Variants in METTL9 observed in about 807,000 individuals in gnomAD.
METTL9 encodes the protein methyltransferase 9, His-X-His N1(pi)-histidine.
Under a neutral mutation model 36.0 loss-of-function variants are expected in METTL9, and 10 were observed. The observed-to-expected ratio is 0.28, with a 90% confidence interval of 0.17 to 0.47. METTL9 has a LOEUF of 0.47. Among genes scored for constraint, METTL9 ranks in the 20% least tolerant of loss-of-function variants. METTL9 has a pLI of 0.99. For missense variants in METTL9, 246 were observed against 383.5 expected, an observed-to-expected ratio of 0.64 and a Z score of 3.00; for synonymous variants, 175 against 149.7, an observed-to-expected ratio of 1.17 and a Z score of -1.23.
intron 1 of METTL9, among the ~76,000 whole-genome samples, chr16:21,608,707 A>G (rs1304737991): frequency 6.6e-6 from 1 of 152,152 alleles, no homozygotes; most frequent in Non-Finnish European, 1.5e-5. Flanking sequence ...TGAACATCCT[A>G]CAATGTGCAG....
At chr16:21,597,328 T>C, upstream of METTL9, 1 of 1,276,388 alleles carries the variant, frequency 7.8e-7, no homozygotes, top group South Asian at 1.2e-5. Flanking sequence ...CTCTGCTACC[T>C]TCAGGCAAAT....
In METTL9 at chr16:21,655,221, T is replaced by C; in HGVS notation, c.752-6T>C. Reference sequence around the variant, plus strand: ...GAATTTAACTGAATGTTCTTATTTGTATTAGTAGGTGGCAAGTGGGAGAAA... The same window carrying C: ...GAATTTAACTGAATGTTCTTATTTGCATTAGTAGGTGGCAAGTGGGAGAAA... On this transcript the variant is annotated splice_region_variant and splice_polypyrimidine_tract_variant and intron_variant, in intron 4 of 4. Coordinates refer to ENST00000358154, the MANE Select transcript of METTL9 (RefSeq NM_016025.5). 1 of 1,610,698 alleles carries C rather than the reference T, an allele frequency of 6.2e-7. No homozygotes were observed. Among genetic ancestry groups the C allele is most frequent in the Non-Finnish European group, 8.5e-7 (1 of 1,177,120 alleles).
chr16:21,622,356 C>T (rs1250612521), intron 3 of METTL9, among the ~76,000 whole-genome samples: 1 of 151,226 alleles, frequency 6.6e-6, no homozygotes, highest in Admixed American at 6.6e-5. Context: ...TTGTGTTGCC[C>T]CAGCTGGTCT....
chr16:21,632,312 A>G lies in METTL9; in HGVS notation c.751+7197A>G, dbSNP rs528903022. ...CCTTTTCCAGTTCTAAGGCTCAGGTAAGTGCCACTAGTTATGCTAACTGGG... is the reference window on the plus strand; with the variant it reads ...CCTTTTCCAGTTCTAAGGCTCAGGTGAGTGCCACTAGTTATGCTAACTGGG... On this transcript the variant is annotated intron_variant, in intron 4 of 4. Coordinates refer to ENST00000358154, the MANE Select transcript of METTL9 (RefSeq NM_016025.5). Among the ~76,000 whole-genome samples the G allele has an allele frequency of 2.0e-5, 3 of 152,328 alleles. No homozygotes were observed. The South Asian group carries it at 6.2e-4, about 32-fold the overall frequency.
Position 21,652,611 on chromosome 16 carries a change from C to T in METTL9, c.752-2616C>T, listed in dbSNP as rs554246887. 79 of 1,604,018 alleles carry T rather than the reference C, an allele frequency of 4.9e-5. No homozygotes were observed. The South Asian group carries it at 6.4e-4, about 13-fold the overall frequency. On this transcript the variant is annotated intron_variant, in intron 4 of 4. Transcript: ENST00000358154. Reference sequence around the variant, plus strand: ...TCGCAGTCCCCATTTCTGTGTATGCCGGGGCGGGTTGGGGTGTGTATTTGA... The same window carrying T: ...TCGCAGTCCCCATTTCTGTGTATGCTGGGGCGGGTTGGGGTGTGTATTTGA...
chr16:21,620,394 A>G (rs1416641915), intron 3 of METTL9, among the ~76,000 whole-genome samples: 1 of 152,200 alleles, frequency 6.6e-6, no homozygotes, highest in African/African-American at 2.4e-5. Flanking sequence ...TTGTTATAAC[A>G]GTGGCTTAAG....
chr16:21,655,272 G>A lies in METTL9; in HGVS notation c.797G>A (p.Gly266Glu). Residue 266 changes from glycine (G) to glutamate (E), a missense_variant, in exon 5 of 5, where the codon GGA (glycine) becomes GAA (glutamate). Physicochemically the swap from Gly to Glu is moderately conservative, Grantham distance 98. This residue lies in a region of METTL9 where 146 missense variants were observed against 302.1 expected (regional missense o/e 0.48). Coordinates refer to ENST00000358154, the MANE Select transcript of METTL9 (RefSeq NM_016025.5). Reference sequence around the variant, plus strand: ...CCATCAGAAATTTTGGAAATCAAAGGACAGAACTGGGAAGAACAAGTGAAT... The same window carrying A: ...CCATCAGAAATTTTGGAAATCAAAGAACAGAACTGGGAAGAACAAGTGAAT... ...EKPSEILEIK[G>E]QNWEEQVNSL... 6.2e-7 allele frequency: 1 copy of A among 1,614,202 alleles called. No homozygotes were observed. The highest frequency in any genetic ancestry group is 8.5e-7 in the Non-Finnish European group (1 of 1,180,034).
At chr16:21,620,873 T>C (rs1965675766) in intron 3 of METTL9, among the ~76,000 whole-genome samples, 1 of 152,122 alleles carries the variant, frequency 6.6e-6, no homozygotes, top group South Asian at 2.1e-4. Flanking sequence ...AAGGCAGACT[T>C]TCAGCTGAAT....
chr16:21,641,404 C>T, intron 4 of METTL9: 2 of 476,162 alleles, frequency 4.2e-6, no homozygotes, highest in Middle Eastern at 4.2e-4. Context: ...TTCTGACATC[C>T]TTCTTTGTAG....
intron 4 of METTL9, among the ~76,000 whole-genome samples, chr16:21,647,825 C>T (rs1220622339): frequency 6.6e-6 from 1 of 152,132 alleles, no homozygotes; most frequent in South Asian, 2.1e-4. Flanking sequence ...TTGCTCCTTA[C>T]AAGCTTTCCT....
At chr16:21,598,240 T>C (rs912940314), upstream of METTL9, among the ~76,000 whole-genome samples, 1 of 151,348 alleles carries the variant, frequency 6.6e-6, no homozygotes, top group East Asian at 1.9e-4. Flanking sequence ...TCCCAGCTGC[T>C]CGGGAGGCTG....
intron 4 of METTL9, among the ~76,000 whole-genome samples, chr16:21,639,244 A>T (rs191594882): frequency 6.6e-6 from 1 of 152,288 alleles, no homozygotes; most frequent in Admixed American, 6.5e-5. Context: ...TTTCAGCTTC[A>T]AAATCAATCT....
At chr16:21,603,620 G>A (rs1371961738) in intron 1 of METTL9, among the ~76,000 whole-genome samples, 1 of 151,992 alleles carries the variant, frequency 6.6e-6, no homozygotes, top group Admixed American at 6.6e-5. Flanking sequence ...TGCACCTAGT[G>A]CTTAAAGTTA....
intron 2 of METTL9, among the ~76,000 whole-genome samples, chr16:21,617,148 G>A (rs1274146751): frequency 1.3e-5 from 2 of 152,054 alleles, no homozygotes; most frequent in Non-Finnish European, 2.9e-5. Flanking sequence ...TGCTGGGCAC[G>A]GTGGCTCATG....
chr16:21,636,555 T>G (rs1161551108), intron 4 of METTL9, among the ~76,000 whole-genome samples: 1 of 152,182 alleles, frequency 6.6e-6, no homozygotes, highest in Admixed American at 6.5e-5. Flanking sequence ...CTAGTCTCGC[T>G]TGGGCGACAT....
At chr16:21,632,832 C>G (rs956461414) in intron 4 of METTL9, among the ~76,000 whole-genome samples, 1 of 152,180 alleles carries the variant, frequency 6.6e-6, no homozygotes, top group African/African-American at 2.4e-5. Context: ...AGGTATGCCA[C>G]TGGTTGTGGG....
At chr16:21,648,963 C>G (rs1051361159) in intron 4 of METTL9, among the ~76,000 whole-genome samples, 17 of 151,972 alleles carry the variant, frequency 1.1e-4, no homozygotes, top group African/African-American at 3.6e-4. Context: ...TGATGCGAGT[C>G]TCTTCTCACC....
At chr16:21,598,875 C>T (rs1234753012), upstream of METTL9, among the ~76,000 whole-genome samples, 1 of 152,154 alleles carries the variant, frequency 6.6e-6, no homozygotes, top group African/African-American at 2.4e-5. Context: ...GTGGGTACCC[C>T]AGCTGCGGTA....
At chr16:21,613,809 G>T (rs1038393553) in intron 2 of METTL9, among the ~76,000 whole-genome samples, 5 of 147,540 alleles carry the variant, frequency 3.4e-5, no homozygotes, top group African/African-American at 1.3e-4. Context: ...TAAATCCATA[G>T]AAAAAGCTTT....
Sources: gnomAD v4.1 joint callset for allele counts (sites outside exome capture counted in the v4.1 genomes callset) on GRCh38, gnomAD v4.1.1 for gene constraint, gnomAD v4.1.1 regional missense constraint, MANE v1.5 for transcripts, NCBI Gene and HGNC (gene_info 2026-07-23, HGNC 2026-07-21) for gene names.